UBE3A: variants seen among roughly 807,000 people sequenced by gnomAD.
The protein encoded by UBE3A is ubiquitin-protein ligase E3A.
UBE3A carries 6 observed loss-of-function variants against 83.4 expected under a neutral mutation model. The observed-to-expected ratio is 0.07, with a 90% confidence interval of 0.04 to 0.14. UBE3A has a LOEUF of 0.14. Among genes scored for constraint, UBE3A ranks in the 10% least tolerant of loss-of-function variants. The pLI is 1.00. For missense variants in UBE3A, 456 were observed against 1,036.1 expected, an observed-to-expected ratio of 0.44 and a Z score of 7.69; for synonymous variants, 337 against 355.4, an observed-to-expected ratio of 0.95 and a Z score of 0.58.
At chr15:25,433,036 G>A (rs1243344504) in intron 1 of UBE3A, among the ~76,000 whole-genome samples, 1 of 151,994 alleles carries the variant, frequency 6.6e-6, no homozygotes, top group Non-Finnish European at 1.5e-5. Context: ...AACACAACAG[G>A]TCTGGTACAG....
At chr15:25,361,700 C>A (rs918424375) in intron 6 of UBE3A, among the ~76,000 whole-genome samples, 1 of 151,974 alleles carries the variant, frequency 6.6e-6, no homozygotes, top group Admixed American at 6.6e-5. Flanking sequence ...ATCCAGTATC[C>A]ATCATATCTC....
chr15:25,413,322 C>T (rs2090329885), intron 1 of UBE3A, among the ~76,000 whole-genome samples: 1 of 151,864 alleles, frequency 6.6e-6, no homozygotes, highest in Admixed American at 6.6e-5. Flanking sequence ...TTCTATTTTT[C>T]CTTCACCTCC....
chr15:25,371,866 C>T lies in UBE3A; in HGVS notation c.362-54G>A, dbSNP rs2080342952. 6.5e-7 allele frequency: 1 copy of T among 1,542,420 alleles called. No homozygotes were observed. Among genetic ancestry groups the T allele is most frequent in the Admixed American group, 1.9e-5 (1 of 51,932 alleles). On this transcript the variant is annotated intron_variant, in intron 5 of 12. Transcript: ENST00000648336. This position sits in a 1 kb window ranked among gnomAD's most constrained non-coding sequence, Gnocchi z 5.3. ...TTTATTTTCATAATATGTATGTTTA[C>T]TCTGTTGCAAAAAGTTCTAAAAGTA...
chr15:25,358,025 G>A (rs1054769299), intron 7 of UBE3A, among the ~76,000 whole-genome samples: 3 of 149,824 alleles, frequency 2.0e-5, no homozygotes, highest in South Asian at 4.3e-4. Context: ...CTCAGCCTCC[G>A]GAGTAGTTGG....
intron 4 of UBE3A, among the ~76,000 whole-genome samples, chr15:25,393,069 G>C (rs1307748803): frequency 1.3e-5 from 2 of 152,114 alleles, no homozygotes; most frequent in African/African-American, 4.8e-5. Context: ...CAGGTTAAGT[G>C]ACTGACAAAA....
At chr15:25,387,435 T>C (rs908448841) in intron 4 of UBE3A, among the ~76,000 whole-genome samples, 14 of 151,562 alleles carry the variant, frequency 9.2e-5, no homozygotes, top group African/African-American at 3.4e-4. Flanking sequence ...GGCAAGAGAA[T>C]GGCGTGAACC....
At position 25,354,627 on chromosome 15, in the gene UBE3A, G is replaced by C. The variant is rs2076974201; in HGVS notation, c.2181C>G (p.Phe727Leu). The C allele has an allele frequency of 6.2e-7, 1 of 1,613,540 alleles. No individual in the cohort carries two copies. Among genetic ancestry groups the C allele is most frequent in the Non-Finnish European group, 8.5e-7 (1 of 1,179,800 alleles). The change falls in exon 10 of 13, where the codon TTC (phenylalanine) becomes TTG (leucine). Residue 727 changes from phenylalanine to leucine, a missense_variant. Transcript: ENST00000648336. ...TATGAAAACCTCTCCGAAAAGCCTT[G>C]AACTGTTTTTCTACTGATTTATTGA... ...YILNKSVEKQ[F>L]KAFRRGFHMV...
At chr15:25,346,956 CAA>C (rs945927863) in intron 11 of UBE3A, 1 of 152,096 alleles carries the variant, frequency 6.6e-6, no homozygotes, top group Non-Finnish European at 1.5e-5. Context: ...CCATGTTTGG[CAA>C]AAGACACAAA....
At chr15:25,422,948 TGGTTGCTCCAGCCCG>T (rs1184354037) in intron 1 of UBE3A, among the ~76,000 whole-genome samples, 5 of 151,932 alleles carry the variant, frequency 3.3e-5, no homozygotes, top group African/African-American at 1.2e-4. Flanking sequence ...CAGGGAGCTA[TGGTTGCTCCAGCCCG>T]GGTGACAGAG....
Position 25,338,948 on chromosome 15 carries a change from G to T in UBE3A, c.*189C>A. 1 of 429,228 alleles carries T rather than the reference G, an allele frequency of 2.3e-6. No individual in the cohort carries two copies. Among genetic ancestry groups the T allele is most frequent in the Non-Finnish European group, 3.9e-6 (1 of 253,976 alleles). The allele number at this position is 429,228 out of a possible 1,614,324, so 26.6% of individuals were successfully genotyped here. On this transcript the variant is annotated 3_prime_UTR_variant, in exon 13 of 13. Coordinates refer to ENST00000648336, the MANE Select transcript of UBE3A (RefSeq NM_130839.5). The stretch of plus-strand genomic sequence containing the variant: ...TATGTAGCTGAAATCTGCTGTTCCA[G>T]CCCACATGTCCCCAATAAAGAAGGG...
chr15:25,434,282 T>TA lies in UBE3A; in HGVS notation c.-165+4206dup, dbSNP rs200261683. On this transcript the variant is annotated intron_variant, in intron 1 of 12. Transcript: ENST00000648336. ...ACTGTGTATTAATAAGTCATTTGAT[T>TA]AAAAAAAAGGACTTGGCCAGGTATT... 6.0e-3 allele frequency among the ~76,000 whole-genome samples: 915 copies of TA among 151,848 alleles called. 8 individuals carry two copies. Among genetic ancestry groups the TA allele is most frequent in the African/African-American group, 0.021 (853 of 41,400 alleles).
At chr15:25,382,607 A>C (rs754686143) in intron 4 of UBE3A, among the ~76,000 whole-genome samples, 45 of 151,408 alleles carry the variant, frequency 3.0e-4, no homozygotes, top group Non-Finnish European at 5.7e-4. Flanking sequence ...TTACAGCTAA[A>C]ATAAAATAGA....
At chr15:25,347,613 T>C (rs1409550306) in intron 11 of UBE3A, among the ~76,000 whole-genome samples, 2 of 152,126 alleles carry the variant, frequency 1.3e-5, no homozygotes, top group African/African-American at 2.4e-5. Context: ...GGCGGGAGGA[T>C]TGCTTGAACC....
chr15:25,409,147 TA>T lies in UBE3A; in HGVS notation c.-41del. On this transcript the variant is annotated 5_prime_UTR_variant, in exon 3 of 13. Coordinates refer to ENST00000648336, the MANE Select transcript of UBE3A (RefSeq NM_130839.5). ...GTGATCACAGCTTTGAGTCACTGAT[TA>T]AAAACAGGTTGTCACACCAGTCTAG... The T allele has an allele frequency of 6.3e-7, 1 of 1,589,940 alleles. No individual in the cohort carries two copies. The highest frequency in any genetic ancestry group is 1.1e-5 in the South Asian group (1 of 87,850).
At chr15:25,419,374 A>G (rs983966338) in intron 1 of UBE3A, 2 of 152,186 alleles carry the variant, frequency 1.3e-5, no homozygotes, top group Admixed American at 1.3e-4. Flanking sequence ...AATGTTGTGA[A>G]ATTATATTCT....
rs1895933877 is a variant in UBE3A, at chr15:25,438,740, G to A, written c.-416C>T. On this transcript the variant is annotated 5_prime_UTR_variant, in exon 1 of 13. Transcript: ENST00000648336. ...GGGGCTGAGGGGCCCTCCTGCCAGG[G>A]GCTACAGGCCGCGAGCTATTCCGAG... The A allele has an allele frequency of 6.6e-6, 1 of 152,488 alleles. No homozygotes were observed. Among genetic ancestry groups the A allele is most frequent in the Admixed American group, 6.5e-5 (1 of 15,298 alleles). The allele number at this position is 152,488 out of a possible 1,614,324, so 9.4% of individuals were successfully genotyped here.
At chr15:25,362,601 A>T (rs2078300392) in intron 6 of UBE3A, among the ~76,000 whole-genome samples, 1 of 152,222 alleles carries the variant, frequency 6.6e-6, no homozygotes, top group South Asian at 2.1e-4. Context: ...ACTAGTTCCA[A>T]GATCTAGAGT....
In UBE3A at chr15:25,339,119, A is replaced by ATTTTTTTTTTTTTTTTTTTTTTTTTTT; in HGVS notation, c.*17_*18insAAAAAAAAAAAAAAAAAAAAAAAAAAA. 7.0e-7 allele frequency: 1 copy of ATTTTTTTTTTTTTTTTTTTTTTTTTTT among 1,429,774 alleles called. No individual in the cohort carries two copies. The allele number at this position is 1,429,774 out of a possible 1,614,324, so 88.6% of individuals were successfully genotyped here. The stretch of plus-strand genomic sequence containing the variant: ...TTTTTTCCTTCCTTTTTTTTGTTTT[A>ATTTTTTTTTTTTTTTTTTTTTTTTTTT]TTTTGTTTTGTTTTGTTTTACAGCA... On this transcript the variant is annotated 3_prime_UTR_variant, in exon 13 of 13. Transcript: ENST00000648336.
intron 4 of UBE3A, among the ~76,000 whole-genome samples, chr15:25,386,163 T>A (rs896099468): frequency 6.6e-6 from 1 of 152,136 alleles, no homozygotes; most frequent in East Asian, 1.9e-4. Context: ...TGAGAAACAC[T>A]TGTGAAGTTC....
Sources: allele counts gnomAD v4.1 joint callset (sites outside exome capture counted in the v4.1 genomes callset), GRCh38; gene constraint gnomAD v4.1.1; non-coding constraint Gnocchi (gnomAD v3.1); transcripts MANE v1.5; gene names NCBI Gene and HGNC (gene_info 2026-07-23, HGNC 2026-07-21).